Variants in RUNX1 observed in about 807,000 individuals in gnomAD.
The protein encoded by RUNX1 is RUNX family transcription factor 1, also known as runt-related transcription factor 1.
Under a neutral mutation model 42.8 loss-of-function variants are expected in RUNX1, and 19 were observed. That is an observed-to-expected ratio of 0.44 (90% CI 0.31 to 0.65). RUNX1 has a LOEUF of 0.65. Ranked by LOEUF, RUNX1 falls within the 30% of genes least tolerant of loss-of-function variation. RUNX1 has a pLI of 0.07. For synonymous variants in RUNX1, 271 were observed against 289.4 expected (o/e 0.94, Z 0.64); for missense variants, 528 against 672.0 (o/e 0.79, Z 2.37).
At chr21:34,929,365 T>C (rs2058422880) in intron 2 of RUNX1, among the ~76,000 whole-genome samples, 1 of 152,194 alleles carries the variant, frequency 6.6e-6, no homozygotes, top group East Asian at 1.9e-4. Flanking sequence ...ATTTGACTCA[T>C]TATGAACTCA....
intron 8 of RUNX1, among the ~76,000 whole-genome samples, chr21:34,795,259 G>A (rs541725211): frequency 2.0e-5 from 3 of 152,316 alleles, no homozygotes; most frequent in South Asian, 4.1e-4. Context: ...TCTGTTTTTG[G>A]AAGGCAGCGG....
At chr21:34,850,851 G>C (rs1401804480) in intron 6 of RUNX1, among the ~76,000 whole-genome samples, 1 of 152,124 alleles carries the variant, frequency 6.6e-6, no homozygotes, top group Non-Finnish European at 1.5e-5. Context: ...AAATTTAGGA[G>C]CCACAGATCT....
At chr21:34,999,183 T>C (rs752919435) in intron 2 of RUNX1, among the ~76,000 whole-genome samples, 13 of 152,180 alleles carry the variant, frequency 8.5e-5, no homozygotes, top group Non-Finnish European at 1.6e-4. Flanking sequence ...GCTTGGAGGC[T>C]GGGGTGATCA....
intron 2 of RUNX1, among the ~76,000 whole-genome samples, chr21:34,923,056 A>T (rs1247846286): frequency 6.6e-6 from 1 of 152,192 alleles, no homozygotes; most frequent in African/African-American, 2.4e-5. Context: ...AAAACTACAG[A>T]TGGTCATTAC....
At chr21:34,899,153 A>G (rs529158238) in intron 2 of RUNX1, among the ~76,000 whole-genome samples, 17 of 152,280 alleles carry the variant, frequency 1.1e-4, no homozygotes, top group Non-Finnish European at 2.1e-4. Context: ...ACCTCAAGTG[A>G]TCTGCCCACC....
chr21:35,039,802 A>G (rs1440044546), intron 2 of RUNX1, among the ~76,000 whole-genome samples: 1 of 152,198 alleles, frequency 6.6e-6, no homozygotes, highest in Admixed American at 6.5e-5. Flanking sequence ...CAGTGCTAAT[A>G]TTTGTTTAAG....
intron 7 of RUNX1, chr21:34,830,062 A>T (rs898199214): frequency 2.6e-5 from 4 of 152,222 alleles, no homozygotes; most frequent in Admixed American, 6.5e-5. Flanking sequence ...TTTGGGGGAA[A>T]ATAATTAGCA....
rs1235395164 is a variant in RUNX1, at chr21:34,848,983, T to C, written c.613+10491A>G. 4.6e-5 allele frequency among the ~76,000 whole-genome samples: 7 copies of C among 152,002 alleles called. No homozygotes were observed. In the South Asian group the frequency reaches 1.0e-3, roughly 23 times the overall value. ...ATTTTAAATAATCAGAATATGACTTTTAAGCCATGGTGAACAAAAACAAAT... is the reference window on the plus strand; with the variant it reads ...ATTTTAAATAATCAGAATATGACTTCTAAGCCATGGTGAACAAAAACAAAT... On this transcript the variant is annotated intron_variant, in intron 6 of 8. Coordinates refer to ENST00000675419, the MANE Select transcript of RUNX1 (RefSeq NM_001754.5).
chr21:34,969,723 C>A (rs144001034), intron 2 of RUNX1, among the ~76,000 whole-genome samples: 129 of 149,896 alleles, frequency 8.6e-4, no homozygotes, highest in African/African-American at 3.2e-3. Flanking sequence ...TGACTGCACT[C>A]GTGGGTGATG....
At chr21:34,818,997 C>T (rs1036108691) in intron 7 of RUNX1, among the ~76,000 whole-genome samples, 13 of 152,112 alleles carry the variant, frequency 8.5e-5, no homozygotes, top group Non-Finnish European at 1.6e-4. Context: ...GAAAGCTGAG[C>T]GCTCTGATAT....
chr21:34,897,124 C>G (rs2058136914), intron 2 of RUNX1, among the ~76,000 whole-genome samples: 1 of 152,212 alleles, frequency 6.6e-6, no homozygotes, highest in Non-Finnish European at 1.5e-5. Context: ...ACTGCACCAT[C>G]ATTCTCCCAG....
At chr21:35,022,227 A>G (rs2059203646) in intron 2 of RUNX1, among the ~76,000 whole-genome samples, 1 of 152,192 alleles carries the variant, frequency 6.6e-6, no homozygotes, top group East Asian at 1.9e-4. Flanking sequence ...CTTTGAACAG[A>G]CGAAAGAGGG....
At chr21:34,865,581 T>C (rs2057649891) in intron 5 of RUNX1, among the ~76,000 whole-genome samples, 1 of 152,208 alleles carries the variant, frequency 6.6e-6, no homozygotes, top group Non-Finnish European at 1.5e-5. Context: ...TGAGTCTTCC[T>C]GGACACTCGC....
chr21:34,884,032 T>C (rs1225936494), intron 4 of RUNX1, among the ~76,000 whole-genome samples: 3 of 152,354 alleles, frequency 2.0e-5, no homozygotes, highest in Admixed American at 1.3e-4. Context: ...CTTTGGACTC[T>C]GGTGTACCAG....
At chr21:34,807,976 G>A (rs1274213973) in intron 7 of RUNX1, among the ~76,000 whole-genome samples, 5 of 152,228 alleles carry the variant, frequency 3.3e-5, no homozygotes, top group East Asian at 3.9e-4. Context: ...CTCTGCAGCA[G>A]GGAGCAAAGC....
intron 2 of RUNX1, among the ~76,000 whole-genome samples, chr21:34,898,160 A>G (rs2146475157): frequency 6.6e-6 from 1 of 152,274 alleles, no homozygotes; most frequent in South Asian, 2.1e-4. Context: ...TCTGCCAACT[A>G]CCTGCATGAG....
chr21:35,013,754 G>T (rs145030846), intron 2 of RUNX1, among the ~76,000 whole-genome samples: 1 of 152,222 alleles, frequency 6.6e-6, no homozygotes, highest in Non-Finnish European at 1.5e-5. Context: ...GCAGTAATCA[G>T]AAATGCACCC....
chr21:34,862,812 T>A (rs993223336), intron 5 of RUNX1, among the ~76,000 whole-genome samples: 5 of 152,156 alleles, frequency 3.3e-5, no homozygotes, highest in African/African-American at 1.2e-4. Flanking sequence ...ACTATTTAAC[T>A]CAGTACAAAT....
chr21:34,870,134 G>A (rs1341800960), intron 5 of RUNX1, among the ~76,000 whole-genome samples: 1 of 152,182 alleles, frequency 6.6e-6, no homozygotes, highest in Admixed American at 6.5e-5. Flanking sequence ...GATAAGGATT[G>A]TGTTTCCTCC....
Sources: allele counts gnomAD v4.1 joint callset (sites outside exome capture counted in the v4.1 genomes callset), GRCh38; gene constraint gnomAD v4.1.1; transcripts MANE v1.5; gene names NCBI Gene and HGNC (gene_info 2026-07-23, HGNC 2026-07-21).